ASB15: variants seen among roughly 807,000 people sequenced by gnomAD.
ASB15 encodes ankyrin repeat and SOCS box containing 15.
Under a neutral mutation model 58.0 loss-of-function variants are expected in ASB15, and 54 were observed. The observed-to-expected ratio is 0.93, with a 90% CI of 0.75 to 1.17. ASB15 has a LOEUF of 1.17. Ranked by LOEUF, ASB15 falls within the 50% of genes most tolerant of loss-of-function variation. The pLI is 0.00. For missense variants in ASB15, 680 were observed against 707.4 expected, an observed-to-expected ratio of 0.96 and a Z score of 0.44; for synonymous variants, 249 against 262.4, an observed-to-expected ratio of 0.95 and a Z score of 0.50.
chr7:123,628,115 A>G (rs1192130488), intron 9 of ASB15, among the ~76,000 whole-genome samples: 1 of 152,236 alleles, frequency 6.6e-6, no homozygotes, highest in Admixed American at 6.5e-5. Context: ...ACTCACAACT[A>G]TATCACATGT....
chr7:123,628,643 A>G (rs1001543898), intron 9 of ASB15, among the ~76,000 whole-genome samples: 1 of 152,238 alleles, frequency 6.6e-6, no homozygotes, highest in Non-Finnish European at 1.5e-5. Flanking sequence ...GCAGTTTCCC[A>G]GGAATATTTA....
intron 1 of ASB15, among the ~76,000 whole-genome samples, chr7:123,585,249 T>C (rs1264864009): frequency 1.3e-5 from 2 of 151,772 alleles, no homozygotes; most frequent in African/African-American, 4.8e-5. Context: ...TTCTGAAAAT[T>C]GAAAAATTTG....
intron 1 of ASB15, among the ~76,000 whole-genome samples, chr7:123,584,437 T>G (rs1045632064): frequency 6.6e-6 from 1 of 151,812 alleles, no homozygotes; most frequent in Non-Finnish European, 1.5e-5. Flanking sequence ...GTGATTCCAA[T>G]GCAAGTCAAA....
rs937201875 is a variant in ASB15 at position 123,629,454 on chromosome 7, CT to C, written c.1440+23del. ...AACCCGGTGAGTTATGCCTTTTCTGCTTTATATTGAGTTATCATCCTAATTT... is the reference window on the plus strand; with the variant it reads ...AACCCGGTGAGTTATGCCTTTTCTGCTTATATTGAGTTATCATCCTAATTT... On this transcript the variant is annotated intron_variant, in intron 10 of 11. Transcript: ENST00000451215. The C allele has an allele frequency of 1.3e-6, 2 of 1,542,824 alleles. No homozygotes were observed. The highest frequency in any genetic ancestry group is 2.7e-5 in the African/African-American group (2 of 73,430).
chr7:123,618,036 G>A (rs1800942962), intron 7 of ASB15, among the ~76,000 whole-genome samples: 2 of 152,174 alleles, frequency 1.3e-5, no homozygotes, highest in South Asian at 4.1e-4. Context: ...CTCTAGGTAG[G>A]ATCCAGTTGT....
At chr7:123,595,312 C>T (rs1054048978) in intron 1 of ASB15, among the ~76,000 whole-genome samples, 10 of 152,188 alleles carry the variant, frequency 6.6e-5, no homozygotes, top group South Asian at 2.1e-4. Flanking sequence ...TTCATTTGTT[C>T]TCTGGTTGAT....
At chr7:123,623,850 C>G (rs558997030) in intron 7 of ASB15, among the ~76,000 whole-genome samples, 3 of 126,400 alleles carry the variant, frequency 2.4e-5, no homozygotes, top group African/African-American at 9.3e-5. Flanking sequence ...AGCGACAGAG[C>G]GAGACTCTGT....
chr7:123,632,003 G>A (rs1802144585), intron 11 of ASB15, among the ~76,000 whole-genome samples: 1 of 151,914 alleles, frequency 6.6e-6, no homozygotes, highest in Non-Finnish European at 1.5e-5. Flanking sequence ...GCGTGAACCC[G>A]GGAGGCGGAG....
chr7:123,590,481 CT>C (rs1283564694), intron 1 of ASB15, among the ~76,000 whole-genome samples: 14 of 152,142 alleles, frequency 9.2e-5, no homozygotes. Flanking sequence ...TTTAATCCAT[CT>C]TGAGTTAATG....
chr7:123,623,423 G>A (rs1672217587), intron 7 of ASB15, among the ~76,000 whole-genome samples: 1 of 152,114 alleles, frequency 6.6e-6, no homozygotes, highest in African/African-American at 2.4e-5. Flanking sequence ...TATAATTTCA[G>A]CCATTAGAGA....
At chr7:123,624,994 G>A (rs891153484) in intron 8 of ASB15, 180 bp downstream of exon 8, 3 of 689,968 alleles carry the variant, frequency 4.3e-6, no homozygotes, top group East Asian at 2.9e-5. Flanking sequence ...CTACAACTCA[G>A]CTAAGCCCTA....
At chr7:123,586,425 A>G (rs954213018) in intron 1 of ASB15, among the ~76,000 whole-genome samples, 1 of 151,504 alleles carries the variant, frequency 6.6e-6, no homozygotes, top group African/African-American at 2.4e-5. Context: ...TAATTAGGTT[A>G]TTTGTTTTTT....
intron 1 of ASB15, among the ~76,000 whole-genome samples, chr7:123,589,608 G>C (rs535148327): frequency 6.6e-6 from 1 of 151,958 alleles, no homozygotes; most frequent in African/African-American, 2.4e-5. Context: ...GCTGAGAATG[G>C]TGGTTTCCAG....
intron 9 of ASB15, 42 bp from the exon 10 acceptor site, chr7:123,628,822 A>G: frequency 7.5e-7 from 1 of 1,338,816 alleles, no homozygotes; most frequent in Non-Finnish European, 1.0e-6. Context: ...TAATTTCTTG[A>G]TTTTCTTTAT....
intron 1 of ASB15, among the ~76,000 whole-genome samples, chr7:123,571,515 GA>G (rs1798906759): frequency 6.6e-6 from 1 of 152,096 alleles, no homozygotes; most frequent in South Asian, 2.1e-4. Context: ...TAGAAAATAT[GA>G]TTTTTAATCC....
chr7:123,567,818 GA>G lies in ASB15; in HGVS notation c.-443+740del, dbSNP rs369099849. 1.7e-3 allele frequency among the ~76,000 whole-genome samples: 243 copies of G among 144,004 alleles called. 1 individual carries two copies. The highest frequency in any genetic ancestry group is 5.4e-3 in the African/African-American group (213 of 39,266). The allele number at this position is 144,004 out of a possible 152,430, so 94.5% of individuals were successfully genotyped here. A position where few individuals can be genotyped will look rare whatever the true frequency, so the allele number is the denominator to read the frequency against. ...TTATTTCCTCTCTCAACCTTGGAAA[GA>G]AAAAAAAAACAAACATTCTGCTAAG... On this transcript the variant is annotated intron_variant, in intron 1 of 13. Transcript: ENST00000451558.
At chr7:123,605,971 G>C (rs766903094) in intron 2 of ASB15, among the ~76,000 whole-genome samples, 9 of 151,938 alleles carry the variant, frequency 5.9e-5, no homozygotes, top group Admixed American at 5.9e-4. Flanking sequence ...TATAACAAAC[G>C]TTAAGATAAA....
intron 7 of ASB15, among the ~76,000 whole-genome samples, chr7:123,622,319 AACAAG>A (rs1801383858): frequency 6.6e-6 from 1 of 152,044 alleles, no homozygotes. Flanking sequence ...CCACATGTAA[AACAAG>A]ACATTTTTAA....
At chr7:123,622,648 C>T (rs1801404545) in intron 7 of ASB15, 2 of 152,142 alleles carry the variant, frequency 1.3e-5, no homozygotes, top group South Asian at 4.1e-4. Flanking sequence ...GGAACAGGCT[C>T]ATTATTTTAA....
Sources: gnomAD v4.1 joint callset for allele counts (sites outside exome capture counted in the v4.1 genomes callset) on GRCh38, gnomAD v4.1.1 for gene constraint, MANE v1.5 for transcripts, NCBI Gene and HGNC (gene_info 2026-07-23, HGNC 2026-07-21) for gene names.